The following HMGB1 variants were observed in gnomAD, a reference collection of about 807,000 sequenced individuals.
HMGB1 encodes the protein high mobility group box 1.
For synonymous variants in HMGB1, 81 were observed against 84.0 expected (o/e 0.96, Z 0.19); for missense variants, 79 against 253.5 (o/e 0.31, Z 4.67).
chr13:30,473,408 G>A (rs1448893888), intron 1 of HMGB1, among the ~76,000 whole-genome samples: 1 of 152,228 alleles, frequency 6.6e-6, no homozygotes, highest in Non-Finnish European at 1.5e-5. Context: ...CACATGACGA[G>A]TGGAAAACGC....
intron 1 of HMGB1, among the ~76,000 whole-genome samples, chr13:30,579,963 C>T (rs539384143): frequency 2.6e-5 from 4 of 152,204 alleles, no homozygotes; most frequent in South Asian, 4.2e-4. Flanking sequence ...ATAATGAAGT[C>T]GCTCAATTGG....
chr13:30,463,696 TA>T lies in HMGB1; in HGVS notation c.-14-3del. On this transcript the variant is annotated splice_polypyrimidine_tract_variant and splice_region_variant and intron_variant, in intron 1 of 4. Coordinates refer to ENST00000341423, the MANE Select transcript of HMGB1 (RefSeq NM_002128.7). ...CTTTGCCCATGTTTAGTTATTTTTCTAAAAAATAAAATAAATATTTGATGTT... is the reference window on the plus strand; with the variant it reads ...CTTTGCCCATGTTTAGTTATTTTTCTAAAAATAAAATAAATATTTGATGTT... 1 of 1,515,722 alleles carries T rather than the reference TA, an allele frequency of 6.6e-7. No homozygotes were observed. Among genetic ancestry groups the T allele is most frequent in the Non-Finnish European group, 8.9e-7 (1 of 1,125,048 alleles). The allele number at this position is 1,515,722 out of a possible 1,614,324, so 93.9% of individuals were successfully genotyped here.
intron 1 of HMGB1, chr13:30,542,101 C>A (rs370741900): frequency 1.9e-5 from 3 of 153,858 alleles, no homozygotes; most frequent in African/African-American, 7.2e-5. Flanking sequence ...TGGTGTTGAG[C>A]GCATCCAGAG....
chr13:30,597,665 A>G (rs1566036245), intron 1 of HMGB1, among the ~76,000 whole-genome samples: 1 of 152,228 alleles, frequency 6.6e-6, no homozygotes, highest in Non-Finnish European at 1.5e-5. Flanking sequence ...CTCTATACTT[A>G]TATGCAAGGA....
At chr13:30,553,560 ACAACTTC>A (rs1278942514) in intron 1 of HMGB1, 1 of 517,302 alleles carries the variant, frequency 1.9e-6, no homozygotes, top group African/African-American at 1.9e-5. Flanking sequence ...TAGAATATAT[ACAACTTC>A]CTTGAGTAAT....
chr13:30,583,350 T>C (rs901873771), intron 1 of HMGB1, among the ~76,000 whole-genome samples: 5 of 151,746 alleles, frequency 3.3e-5, no homozygotes, highest in Non-Finnish European at 7.4e-5. Context: ...TTAGACAACA[T>C]GGTGAAACTA....
chr13:30,578,314 G>T (rs1165306638), intron 1 of HMGB1, among the ~76,000 whole-genome samples: 2 of 146,706 alleles, frequency 1.4e-5, no homozygotes, highest in African/African-American at 5.0e-5. Flanking sequence ...ACCTGTTGGT[G>T]TGTCTTTGTT....
At chr13:30,575,926 G>T (rs1205176220) in intron 1 of HMGB1, among the ~76,000 whole-genome samples, 1 of 152,042 alleles carries the variant, frequency 6.6e-6, no homozygotes, top group Non-Finnish European at 1.5e-5. Context: ...TTTTAAGTGT[G>T]CTCAGGACAT....
At chr13:30,538,280 A>T (rs543248669) in intron 1 of HMGB1, among the ~76,000 whole-genome samples, 99 of 152,304 alleles carry the variant, frequency 6.5e-4, no homozygotes, top group African/African-American at 2.3e-3. Flanking sequence ...TTTTATTTTA[A>T]TTTTTTGGTG....
At chr13:30,504,240 C>A (rs937326397) in intron 1 of HMGB1, among the ~76,000 whole-genome samples, 6 of 152,148 alleles carry the variant, frequency 3.9e-5, no homozygotes, top group Non-Finnish European at 8.8e-5. Flanking sequence ...CAGCCTGTGA[C>A]AAAAGCTCCA....
At chr13:30,538,642 C>CTTTT (rs1868652861) in intron 1 of HMGB1, among the ~76,000 whole-genome samples, 1 of 51,040 alleles carries the variant, frequency 2.0e-5, no homozygotes, top group Admixed American at 2.1e-4. Flanking sequence ...TTTCTTTCTT[C>CTTTT]CTTTCTTTCT....
intron 1 of HMGB1, among the ~76,000 whole-genome samples, chr13:30,501,525 T>A (rs1202808226): frequency 6.6e-6 from 1 of 151,846 alleles, no homozygotes; most frequent in African/African-American, 2.4e-5. Context: ...AGAAGAAGGG[T>A]AAGATTAAAA....
chr13:30,532,981 T>C (rs1888530598), intron 1 of HMGB1, among the ~76,000 whole-genome samples: 2 of 152,204 alleles, frequency 1.3e-5, no homozygotes, highest in Admixed American at 1.3e-4. Context: ...TAGGTGTTAT[T>C]TCCCCCACTT....
chr13:30,506,583 T>A (rs1887874315), intron 1 of HMGB1, among the ~76,000 whole-genome samples: 1 of 152,158 alleles, frequency 6.6e-6, no homozygotes, highest in South Asian at 2.1e-4. Flanking sequence ...CTGTCAGTCA[T>A]TCTGCCTCTC....
At chr13:30,528,692 C>A (rs544578738) in intron 1 of HMGB1, among the ~76,000 whole-genome samples, 1 of 152,018 alleles carries the variant, frequency 6.6e-6, no homozygotes, top group Non-Finnish European at 1.5e-5. Flanking sequence ...GTGGAAGCTG[C>A]GAAAGAATCA....
At chr13:30,519,158 C>G (rs899460335) in intron 1 of HMGB1, among the ~76,000 whole-genome samples, 1 of 151,682 alleles carries the variant, frequency 6.6e-6, no homozygotes, top group Non-Finnish European at 1.5e-5. Flanking sequence ...TTTGGGAGGC[C>G]GAGGCGGGTG....
chr13:30,564,057 T>C (rs1377330913), intron 1 of HMGB1, among the ~76,000 whole-genome samples: 2 of 152,174 alleles, frequency 1.3e-5, no homozygotes, highest in East Asian at 3.8e-4. Flanking sequence ...TTTCAATTCA[T>C]ATTTTTTTGG....
At chr13:30,534,616 CTT>C (rs1216929821) in intron 1 of HMGB1, among the ~76,000 whole-genome samples, 1,812 of 124,620 alleles carry the variant, frequency 0.015, 26 homozygotes, top group African/African-American at 0.052. Flanking sequence ...GTTCAAGCTG[CTT>C]TTTTTTTTTT....
intron 1 of HMGB1, among the ~76,000 whole-genome samples, chr13:30,551,709 T>G (rs1188981346): frequency 2.0e-5 from 3 of 152,164 alleles, no homozygotes; most frequent in Non-Finnish European, 4.4e-5. Flanking sequence ...CACTGCAATT[T>G]ATTTACTTTT....
Sources: gnomAD v4.1 joint callset for allele counts (sites outside exome capture counted in the v4.1 genomes callset) on GRCh38, gnomAD v4.1.1 for gene constraint, MANE v1.5 for transcripts, NCBI Gene and HGNC (gene_info 2026-07-23, HGNC 2026-07-21) for gene names.